The following SEPTIN11 variants were observed in gnomAD, a reference collection of about 807,000 sequenced individuals.
SEPTIN11 encodes the protein septin-11.
Under a neutral mutation model 51.4 loss-of-function variants are expected in SEPTIN11, and 25 were observed. That is an observed-to-expected ratio of 0.49 (90% confidence interval 0.35 to 0.68). The LOEUF is 0.68. Ranked by LOEUF, SEPTIN11 falls within the 30% of genes least tolerant of loss-of-function variation. The probability of loss-of-function intolerance (pLI) is 0.00; values close to 1 mark genes in which losing one functional copy is unlikely to be tolerated. For synonymous variants in SEPTIN11, 174 were observed against 184.1 expected, an observed-to-expected ratio of 0.95 and a Z score of 0.44; for missense variants, 381 against 520.8, an observed-to-expected ratio of 0.73 and a Z score of 2.61.
rs574691686 is a variant in SEPTIN11 at position 77,024,623 on chromosome 4, C to T, written c.953+3953C>T. ...CCTTGCTTCACCCCCGTTCAACTCA[C>T]ACGAAGCACTCAGTTACCACCATTT... is the stretch of plus-strand genomic sequence containing the variant. On this transcript the variant is annotated intron_variant, in intron 7 of 9. Coordinates refer to ENST00000264893, the MANE Select transcript of SEPTIN11 (RefSeq NM_018243.4). This position sits in a 1 kb window ranked among gnomAD's most constrained non-coding sequence, Gnocchi z 4.2. Among the ~76,000 whole-genome samples the T allele has an allele frequency of 6.6e-6, 1 of 152,324 alleles. No homozygotes were observed. The highest frequency in any genetic ancestry group is 6.5e-5 in the Admixed American group (1 of 15,304).
intron 1 of SEPTIN11, chr4:76,987,796 T>C (rs1723122535): frequency 1.0e-6 from 1 of 966,524 alleles, no homozygotes; most frequent in African/African-American, 1.8e-5. Flanking sequence ...TTCTTTTCTT[T>C]ACCTCTCTTC....
intron 1 of SEPTIN11, among the ~76,000 whole-genome samples, chr4:76,960,772 A>C (rs752635044): frequency 2.6e-5 from 4 of 152,200 alleles, no homozygotes; most frequent in Non-Finnish European, 4.4e-5. Context: ...ACCATGCATG[A>C]GTGACAATGT....
chr4:77,006,720 G>C (rs1724499997), intron 3 of SEPTIN11, among the ~76,000 whole-genome samples: 1 of 152,040 alleles, frequency 6.6e-6, no homozygotes, highest in Non-Finnish European at 1.5e-5. Context: ...CAGACACTTT[G>C]CTTGTATCAG....
intron 2 of SEPTIN11, among the ~76,000 whole-genome samples, chr4:77,004,633 T>C (rs1219390884): frequency 1.3e-5 from 2 of 152,186 alleles, no homozygotes; most frequent in African/African-American, 4.8e-5. Context: ...GAGGAAACAG[T>C]AGTACCTATT....
At chr4:76,964,987 G>C (rs1411295567) in intron 1 of SEPTIN11, among the ~76,000 whole-genome samples, 2 of 152,100 alleles carry the variant, frequency 1.3e-5, no homozygotes, top group Non-Finnish European at 2.9e-5. Flanking sequence ...TTGCCAGAAC[G>C]ACTGATTCAC....
intron 1 of SEPTIN11, chr4:76,985,091 G>A (rs991680108): frequency 2.0e-5 from 3 of 152,204 alleles, no homozygotes; most frequent in African/African-American, 7.2e-5. Context: ...ATGCACACGT[G>A]GACCTTGTCA....
intron 1 of SEPTIN11, among the ~76,000 whole-genome samples, chr4:76,970,176 C>T (rs532466430): frequency 5.2e-4 from 79 of 152,298 alleles, no homozygotes; most frequent in African/African-American, 1.6e-3. Flanking sequence ...GGCCTGTTTC[C>T]AGTCTCTCTA....
At chr4:76,996,327 G>A in intron 1 of SEPTIN11, 98 bp from the exon 2 acceptor site, 5 of 924,346 alleles carry the variant, frequency 5.4e-6, no homozygotes, top group Non-Finnish European at 8.6e-6. Context: ...TTCCATGTAT[G>A]TCAAGGGAAG....
Position 76,987,783 on chromosome 4 carries a change from A to G in SEPTIN11, c.28-8642A>G, listed in dbSNP as rs955165450. On this transcript the variant is annotated intron_variant, in intron 1 of 9. Transcript: ENST00000264893. ...TCAAAGATTTTGTGTGCGAGACAGC[A>G]TGTTCTTTTCTTTACCTCTCTTCAG... The G allele has an allele frequency of 8.7e-6, 8 of 919,970 alleles. No homozygotes were observed. In the African/African-American group the frequency reaches 8.9e-5, roughly 10 times the overall value. The allele number at this position is 919,970 out of a possible 1,614,324, so 57.0% of individuals were successfully genotyped here.
In SEPTIN11 at chr4:77,035,939, A is replaced by T; in HGVS notation, c.*1427A>T. 1.0e-6 allele frequency: 1 copy of T among 985,894 alleles called. No homozygotes were observed. Among genetic ancestry groups the T allele is most frequent in the Non-Finnish European group, 1.2e-6 (1 of 829,946 alleles). The allele number at this position is 985,894 out of a possible 1,614,324, so 61.1% of individuals were successfully genotyped here. The stretch of plus-strand genomic sequence containing the variant: ...TGTAGAAAGGATAACATTTCTCATG[A>T]ACCCACTGCCCCTCTGCATTTTCCT... On this transcript the variant is annotated 3_prime_UTR_variant, in exon 10 of 10. Transcript: ENST00000264893.
intron 2 of SEPTIN11, among the ~76,000 whole-genome samples, chr4:76,999,161 C>G (rs1054182796): frequency 6.6e-6 from 1 of 152,160 alleles, no homozygotes; most frequent in Non-Finnish European, 1.5e-5. Context: ...TTCCATAACC[C>G]TTTGGAGCCC....
rs1466792562 is a variant in SEPTIN11 at position 77,019,213 on chromosome 4, G to A, written c.736G>A (p.Gly246Ser). Residue 246 changes from glycine (G) to serine (S), a missense_variant, in exon 6 of 10, where the codon GGC becomes AGC. Coordinates refer to ENST00000264893, the MANE Select transcript of SEPTIN11 (RefSeq NM_018243.4). ...VVGSTEEVKI[G>S]NKMAKARQYP... ...TGGCAGCACCGAAGAGGTGAAGATT[G>A]GCAACAAGATGGCAAAGGCCAGGCA... 1 of 1,613,628 alleles carries A rather than the reference G, an allele frequency of 6.2e-7. No homozygotes were observed. Among genetic ancestry groups the A allele is most frequent in the African/African-American group, 1.3e-5 (1 of 74,934 alleles).
At position 77,005,753 on chromosome 4, in the gene SEPTIN11, G is replaced by A. The variant is rs1164877184; in HGVS notation, c.295G>A (p.Val99Ile). The change falls in exon 3 of 10, where the codon GTT becomes ATT. Residue 99 changes from valine to isoleucine, a missense_variant. Physicochemically the swap from Val to Ile is conservative, Grantham distance 29. This residue lies in a region of SEPTIN11 where 184 missense variants were observed against 207.7 expected (regional missense o/e 0.89). Coordinates refer to ENST00000264893, the MANE Select transcript of SEPTIN11 (RefSeq NM_018243.4). ...CAATGTACGGCTGAAGTTAACCATT[G>A]TTGACACCGTGGGATTTGGAGACCA... ...ESNVRLKLTIVDTVGFGDQIN... is the reference protein window; with the variant it reads ...ESNVRLKLTIIDTVGFGDQIN... 6.2e-7 allele frequency: 1 copy of A among 1,613,924 alleles called. No individual in the cohort carries two copies. The highest frequency in any genetic ancestry group is 1.1e-5 in the South Asian group (1 of 91,034).
At chr4:77,012,621 A>G (rs991251040) in intron 4 of SEPTIN11, among the ~76,000 whole-genome samples, 8 of 152,252 alleles carry the variant, frequency 5.3e-5, no homozygotes, top group Admixed American at 4.6e-4. Context: ...CATTCACAGA[A>G]AAGTCTTATC....
chr4:77,006,710 C>CA (rs2109949470), intron 3 of SEPTIN11, among the ~76,000 whole-genome samples: 1 of 152,214 alleles, frequency 6.6e-6, no homozygotes, highest in East Asian at 1.9e-4. Flanking sequence ...GCTTACAGCT[C>CA]AGACACTTTG....
intron 3 of SEPTIN11, among the ~76,000 whole-genome samples, chr4:77,006,905 G>T (rs550866668): frequency 6.6e-6 from 1 of 152,286 alleles, no homozygotes; most frequent in South Asian, 2.1e-4. Flanking sequence ...TGAGCACCAA[G>T]CTCTTTATTT....
intron 1 of SEPTIN11, among the ~76,000 whole-genome samples, chr4:76,972,072 C>G (rs1251936978): frequency 6.6e-6 from 1 of 152,134 alleles, no homozygotes; most frequent in Non-Finnish European, 1.5e-5. Context: ...TGGTTATTGG[C>G]CATTTCTATT....
chr4:76,974,231 TCTTC>T (rs1472569868), intron 1 of SEPTIN11, among the ~76,000 whole-genome samples: 1 of 152,190 alleles, frequency 6.6e-6, no homozygotes, highest in Non-Finnish European at 1.5e-5. Context: ...GTCCCGTGAC[TCTTC>T]CTAATTCCTT....
intron 1 of SEPTIN11, among the ~76,000 whole-genome samples, chr4:76,950,248 G>T (rs570945002): frequency 2.6e-4 from 40 of 152,290 alleles, no homozygotes; most frequent in Admixed American, 2.2e-3. Context: ...CTCTGCCCGC[G>T]CACCTCTTCC....
Sources: allele counts gnomAD v4.1 joint callset (sites outside exome capture counted in the v4.1 genomes callset), GRCh38; gene constraint gnomAD v4.1.1; regional missense constraint gnomAD v4.1.1; non-coding constraint Gnocchi (gnomAD v3.1); transcripts MANE v1.5; gene names NCBI Gene and HGNC (gene_info 2026-07-23, HGNC 2026-07-21).